TENM2: variants seen among roughly 807,000 people sequenced by gnomAD.
The protein encoded by TENM2 is teneurin transmembrane protein 2, also known as teneurin-2.
A neutral mutation model predicts 245.2 loss-of-function variants in TENM2; 52 were observed. The ratio of observed to expected loss-of-function variants is 0.21; its 90% CI spans 0.17 to 0.27. TENM2 has a LOEUF of 0.27. Ranked by LOEUF, TENM2 falls within the 10% of genes least tolerant of loss-of-function variation. TENM2 has a pLI of 1.00. For synonymous variants in TENM2, 1,363 were observed against 1,438.9 expected (o/e 0.95, Z 1.19); for missense variants, 3,046 against 3,666.8 (o/e 0.83, Z 4.37).
At chr5:167,483,841 C>T (rs773427549) in intron 2 of TENM2, among the ~76,000 whole-genome samples, 13 of 152,028 alleles carry the variant, frequency 8.6e-5, no homozygotes, top group Non-Finnish European at 8.8e-5. Context: ...TTTTATTTAA[C>T]GATAAATTGA....
intron 3 of TENM2, among the ~76,000 whole-genome samples, chr5:167,904,313 G>A (rs1775925595): frequency 6.6e-6 from 1 of 152,118 alleles, no homozygotes. Context: ...ATCCTACCTG[G>A]ACAATGGTGA....
chr5:167,104,581 C>A, the TENM2 span, among the ~76,000 whole-genome samples: 1 of 152,120 alleles, frequency 6.6e-6, no homozygotes, highest in African/African-American at 2.4e-5. Flanking sequence ...TAGCGGCTAG[C>A]GAGTGTATGG....
rs893876293 is a variant in TENM2 at position 167,644,637 on chromosome 5, G to T, written c.503-231349G>T. ...CTTCTACCATTGTTCCCATATGGCAGATGAACAAACTGAGGCTCAAAGAGG... is the reference window on the plus strand; with the variant it reads ...CTTCTACCATTGTTCCCATATGGCATATGAACAAACTGAGGCTCAAAGAGG... On this transcript the variant is annotated intron_variant, in intron 2 of 28. Coordinates refer to ENST00000518659, the Ensembl canonical transcript of TENM2. Among the ~76,000 whole-genome samples, 7 of 152,314 alleles carry T rather than the reference G, an allele frequency of 4.6e-5. No individual in the cohort carries two copies. The South Asian group carries it at 1.4e-3, about 32-fold the overall frequency.
intron 13 of TENM2, among the ~76,000 whole-genome samples, chr5:168,181,552 T>C (rs1380735903): frequency 6.6e-6 from 1 of 152,206 alleles, no homozygotes; most frequent in African/African-American, 2.4e-5. Context: ...AGAAGGTGCT[T>C]TGGTACAACG....
intron 2 of TENM2, among the ~76,000 whole-genome samples, chr5:167,431,940 C>CATAT (rs1189670905): frequency 1.5e-5 from 1 of 65,856 alleles, no homozygotes; most frequent in Non-Finnish European, 3.2e-5. Flanking sequence ...TATATATATA[C>CATAT]ATATATATGT....
At chr5:167,238,452 C>G in the TENM2 span, among the ~76,000 whole-genome samples, 5 of 152,230 alleles carry the variant, frequency 3.3e-5, no homozygotes, top group African/African-American at 1.2e-4. Flanking sequence ...AATTAATTCT[C>G]TCTCCATGAA....
chr5:167,988,790 G>A (rs930886833), intron 4 of TENM2, among the ~76,000 whole-genome samples: 4 of 152,146 alleles, frequency 2.6e-5, no homozygotes, highest in South Asian at 2.1e-4. Context: ...GAGAAAGGGC[G>A]CTTTGTTTGA....
At chr5:167,382,348 T>G (rs991250426) in intron 2 of TENM2, among the ~76,000 whole-genome samples, 7 of 152,170 alleles carry the variant, frequency 4.6e-5, no homozygotes, top group Non-Finnish European at 1.0e-4. Flanking sequence ...CATGCAGTGA[T>G]ACACGAAGAC....
intron 2 of TENM2, among the ~76,000 whole-genome samples, chr5:167,599,917 G>A (rs761621777): frequency 1.7e-4 from 26 of 151,912 alleles, no homozygotes; most frequent in Middle Eastern, 3.4e-3. Flanking sequence ...AGATTAAGGT[G>A]GGCAGATCAC....
chr5:168,199,898 A>T (rs540706798), exon 17 of TENM2: 2 of 1,613,950 alleles, frequency 1.2e-6, no homozygotes, highest in East Asian at 4.5e-5. Context: ...CCTGGTTCCA[A>T]TGTGAAACTT....
chr5:167,129,828 C>G, the TENM2 span, among the ~76,000 whole-genome samples: 1 of 152,072 alleles, frequency 6.6e-6, no homozygotes, highest in African/African-American at 2.4e-5. Context: ...AAAAAATGAC[C>G]ACTCCCAAAG....
the TENM2 span, among the ~76,000 whole-genome samples, chr5:166,986,651 G>T: frequency 6.6e-6 from 1 of 152,148 alleles, no homozygotes; most frequent in Non-Finnish European, 1.5e-5. Flanking sequence ...TTGAACTTGA[G>T]ACATTTGGAA....
chr5:167,412,541 G>A (rs188441198), intron 2 of TENM2, among the ~76,000 whole-genome samples: 8 of 152,164 alleles, frequency 5.3e-5, no homozygotes, highest in South Asian at 2.1e-4. Flanking sequence ...TTTTTTTGCC[G>A]TGATAAGATT....
intron 3 of TENM2, among the ~76,000 whole-genome samples, chr5:167,942,634 G>C (rs1373137885): frequency 2.0e-5 from 3 of 152,158 alleles, no homozygotes; most frequent in Non-Finnish European, 4.4e-5. Flanking sequence ...TTTTCTAAAA[G>C]TTAGTGGCAT....
intron 2 of TENM2, among the ~76,000 whole-genome samples, chr5:167,515,173 T>A (rs557364674): frequency 2.0e-5 from 3 of 152,144 alleles, no homozygotes; most frequent in Non-Finnish European, 4.4e-5. Flanking sequence ...ATAGATAATG[T>A]CATTGGCAAA....
At chr5:167,099,774 T>C in the TENM2 span, among the ~76,000 whole-genome samples, 1 of 152,216 alleles carries the variant, frequency 6.6e-6, no homozygotes, top group Admixed American at 6.5e-5. Flanking sequence ...CTGATCTCTG[T>C]AGCTCTCTCT....
At chr5:167,023,181 A>G in the TENM2 span, among the ~76,000 whole-genome samples, 1 of 152,230 alleles carries the variant, frequency 6.6e-6, no homozygotes, top group Admixed American at 6.5e-5. Flanking sequence ...ACTGGGTCCA[A>G]TCCAAGGACA....
At chr5:168,033,136 G>A (rs985527244) in intron 5 of TENM2, 6 of 152,068 alleles carry the variant, frequency 3.9e-5, no homozygotes, top group African/African-American at 1.4e-4. Flanking sequence ...TGCAAAAGAG[G>A]ATTTATTTTT....
Position 168,244,023 on chromosome 5 carries a change from C to T in TENM2, c.5521-397C>T, listed in dbSNP as rs1055739301. 2.7e-5 allele frequency among the ~76,000 whole-genome samples: 4 copies of T among 150,928 alleles called. No individual in the cohort carries two copies. Among genetic ancestry groups the T allele is most frequent in the Non-Finnish European group, 5.9e-5 (4 of 67,868 alleles). ...GCACAATTTCAGCTCACTGCCATCT[C>T]CACCTCCCAGGTTCAAGTGATTCTC... On this transcript the variant is annotated intron_variant, in intron 25 of 28. Coordinates refer to ENST00000518659, the Ensembl canonical transcript of TENM2. The surrounding 1 kb of genome is among the most constrained non-coding windows in gnomAD (Gnocchi z 4.9).
Sources: gnomAD v4.1 joint callset for allele counts (sites outside exome capture counted in the v4.1 genomes callset) on GRCh38, gnomAD v4.1.1 for gene constraint, Gnocchi (gnomAD v3.1) non-coding constraint, MANE v1.5 for transcripts, NCBI Gene and HGNC (gene_info 2026-07-23, HGNC 2026-07-21) for gene names.